Variants in PLD5 observed in about 807,000 individuals in gnomAD.
PLD5 encodes the protein inactive phospholipase D5.
Under a neutral mutation model 61.1 loss-of-function variants are expected in PLD5, and 36 were observed. The ratio of observed to expected loss-of-function variants is 0.59; its 90% CI spans 0.45 to 0.78. The LOEUF (loss-of-function observed/expected upper bound fraction) is 0.78, where lower values mean the gene tolerates loss of function less well. PLD5 is among the 30% of genes least tolerant of loss of function. The pLI, the probability that PLD5 is intolerant of heterozygous loss-of-function variation, is 0.00. For synonymous variants in PLD5, 243 were observed against 242.8 expected, an observed-to-expected ratio of 1.00 and a Z score of -0.01; for missense variants, 515 against 644.4, an observed-to-expected ratio of 0.80 and a Z score of 2.17.
chr1:242,459,743 T>C (rs1962379), intron 1 of PLD5, among the ~76,000 whole-genome samples: 58,266 of 151,894 alleles, frequency 0.38, 11,580 homozygotes, highest in African/African-American at 0.47. Flanking sequence ...TGAGTGGAAG[T>C]GCAGTCAGGG....
rs183734620 is a variant in PLD5, at chr1:242,503,403, G to A, written c.189+20685C>T. 6.6e-5 allele frequency among the ~76,000 whole-genome samples: 10 copies of A among 152,276 alleles called. No individual in the cohort carries two copies. The East Asian group carries it at 1.4e-3, about 21-fold the overall frequency. On this transcript the variant is annotated intron_variant, in intron 1 of 9. Transcript: ENST00000536534. ...GCTCCCTGAGGCCTCCTCAGAAGCC[G>A]AGCAGATGCCAGTGCCATGTTTGTA...
At chr1:242,298,248 A>G (rs1294511162) in intron 2 of PLD5, among the ~76,000 whole-genome samples, 2 of 152,230 alleles carry the variant, frequency 1.3e-5, no homozygotes, top group Admixed American at 1.3e-4. Flanking sequence ...TTCCAGGTCT[A>G]TAATTGTATA....
chr1:242,449,308 TC>T (rs1666684733), intron 1 of PLD5: 24 of 1,535,870 alleles, frequency 1.6e-5, no homozygotes, highest in Non-Finnish European at 2.1e-5. Context: ...AAGAATTCTT[TC>T]CCAGGTAACA....
rs377533320 is a variant in PLD5, at chr1:242,443,851, G to T, written c.189+80237C>A. Among the ~76,000 whole-genome samples, 20 of 152,218 alleles carry T rather than the reference G, an allele frequency of 1.3e-4. 1 individual carries two copies. The highest frequency in any genetic ancestry group is 4.6e-4 in the African/African-American group (19 of 41,522). ...AATTTCTAGGCAATGCAGCTAATTAGCTTATTTATCCTAGGACTTCCATTT... is the reference window on the plus strand; with the variant it reads ...AATTTCTAGGCAATGCAGCTAATTATCTTATTTATCCTAGGACTTCCATTT... On this transcript the variant is annotated intron_variant, in intron 1 of 9. Coordinates refer to ENST00000536534, the MANE Select transcript of PLD5 (RefSeq NM_001372062.1).
chr1:242,207,862 A>T (rs1210024883), intron 5 of PLD5, among the ~76,000 whole-genome samples: 2,749 of 37,692 alleles, frequency 0.073, 737 homozygotes, highest in East Asian at 0.21. Context: ...TTATATATTT[A>T]TATATTTATA....
chr1:242,483,243 A>G (rs1667844990), intron 1 of PLD5, among the ~76,000 whole-genome samples: 1 of 152,212 alleles, frequency 6.6e-6, no homozygotes, highest in African/African-American at 2.4e-5. Context: ...TAAATGCTCC[A>G]ATTAAAAGAC....
At chr1:242,223,437 T>C (rs1670729371) in intron 4 of PLD5, among the ~76,000 whole-genome samples, 1 of 152,174 alleles carries the variant, frequency 6.6e-6, no homozygotes, top group Admixed American at 6.5e-5. Context: ...TCCTTACTGC[T>C]GTATCAGGGA....
rs971160517 is a variant in PLD5 at position 242,182,244 on chromosome 1, C to T, written c.735+37744G>A. Among the ~76,000 whole-genome samples, 7 of 152,310 alleles carry T rather than the reference C, an allele frequency of 4.6e-5. No homozygotes were observed. The East Asian group carries it at 1.4e-3, about 29-fold the overall frequency. On this transcript the variant is annotated intron_variant, in intron 5 of 9. Coordinates refer to ENST00000536534, the MANE Select transcript of PLD5 (RefSeq NM_001372062.1). ...CAGTGGCAAATAACTCACAACTGCTCTGTCATTCAGGTTAAACTCAACAAG... is the reference window on the plus strand; with the variant it reads ...CAGTGGCAAATAACTCACAACTGCTTTGTCATTCAGGTTAAACTCAACAAG...
At chr1:242,214,192 G>A (rs1326727755) in intron 5 of PLD5, among the ~76,000 whole-genome samples, 1 of 152,116 alleles carries the variant, frequency 6.6e-6, no homozygotes, top group Non-Finnish European at 1.5e-5. Context: ...TTTACTGATG[G>A]TTCAGGTAAA....
intron 5 of PLD5, among the ~76,000 whole-genome samples, chr1:242,206,443 G>A (rs1425133877): frequency 6.6e-6 from 1 of 152,186 alleles, no homozygotes; most frequent in East Asian, 1.9e-4. Flanking sequence ...CATATGTACA[G>A]TGGATCCTTG....
intron 7 of PLD5, among the ~76,000 whole-genome samples, chr1:242,113,340 G>A (rs1661691866): frequency 1.3e-5 from 2 of 151,976 alleles, no homozygotes; most frequent in African/African-American, 2.4e-5. Flanking sequence ...TGATCCGCCC[G>A]CCTCGGCCTC....
At chr1:242,413,049 T>C (rs1011954346) in intron 1 of PLD5, among the ~76,000 whole-genome samples, 1 of 152,086 alleles carries the variant, frequency 6.6e-6, no homozygotes, top group Admixed American at 6.5e-5. Flanking sequence ...TGAACTGTCG[T>C]TTTGGAAACC....
intron 8 of PLD5, among the ~76,000 whole-genome samples, chr1:242,106,911 G>A (rs1661100802): frequency 6.6e-6 from 1 of 152,178 alleles, no homozygotes; most frequent in South Asian, 2.1e-4. Flanking sequence ...CTTGCACCAA[G>A]TCTGGGGTGG....
rs559278790 is a variant in PLD5, at chr1:242,231,163, A to C, written c.608-11048T>G. On this transcript the variant is annotated intron_variant, in intron 4 of 9. Coordinates refer to ENST00000536534, the MANE Select transcript of PLD5 (RefSeq NM_001372062.1). ...ACAGTGGCTCATTAGTTCTATTAAA[A>C]AATAATAAGGTCTAGGAGGTTGGTA... Among the ~76,000 whole-genome samples, 6 of 152,360 alleles carry C rather than the reference A, an allele frequency of 3.9e-5. No homozygotes were observed. The South Asian group carries it at 1.2e-3, about 32-fold the overall frequency.
chr1:242,207,868 TTATATATA>T (rs1369717666), intron 5 of PLD5, among the ~76,000 whole-genome samples: 1 of 61,158 alleles, frequency 1.6e-5, no homozygotes, highest in Non-Finnish European at 2.9e-5. Flanking sequence ...ATTTATATAT[TTATATATA>T]TTTATATATT....
chr1:242,141,567 T>C (rs1413566669), intron 5 of PLD5, among the ~76,000 whole-genome samples: 1 of 152,202 alleles, frequency 6.6e-6, no homozygotes, highest in Non-Finnish European at 1.5e-5. Flanking sequence ...ATTCCTTCTA[T>C]TCCCTAAAGA....
chr1:242,159,182 T>C (rs1202988709), intron 5 of PLD5, among the ~76,000 whole-genome samples: 8 of 152,076 alleles, frequency 5.3e-5, no homozygotes, highest in Non-Finnish European at 1.2e-4. Flanking sequence ...AATTTTTTTA[T>C]GCTTGATAAT....
At chr1:242,440,275 A>G (rs1376578060) in intron 1 of PLD5, among the ~76,000 whole-genome samples, 2 of 152,164 alleles carry the variant, frequency 1.3e-5, no homozygotes, top group East Asian at 3.9e-4. Context: ...GAAGGGAATA[A>G]GGTTTGGTTT....
At chr1:242,422,200 T>C (rs1215738823) in intron 1 of PLD5, among the ~76,000 whole-genome samples, 1 of 151,490 alleles carries the variant, frequency 6.6e-6, no homozygotes, top group East Asian at 2.0e-4. Flanking sequence ...CCTGACATAT[T>C]TACCATGAGG....
Sources: allele counts gnomAD v4.1 joint callset (sites outside exome capture counted in the v4.1 genomes callset), GRCh38; gene constraint gnomAD v4.1.1; transcripts MANE v1.5; gene names NCBI Gene and HGNC (gene_info 2026-07-23, HGNC 2026-07-21).